Variants in APBB2 observed in about 807,000 individuals in gnomAD.
APBB2 encodes the protein Fe65-like 1.
APBB2 carries 38 observed loss-of-function variants against 82.5 expected under a neutral mutation model. The observed-to-expected ratio is 0.46, with a 90% CI of 0.36 to 0.60. APBB2 has a LOEUF of 0.60. Among genes scored for constraint, APBB2 ranks in the 20% least tolerant of loss-of-function variants. The probability of loss-of-function intolerance (pLI) is 0.00; values close to 1 mark genes in which losing one functional copy is unlikely to be tolerated. For missense variants in APBB2, 772 were observed against 972.3 expected, an observed-to-expected ratio of 0.79 and a Z score of 2.74; for synonymous variants, 341 against 368.2, an observed-to-expected ratio of 0.93 and a Z score of 0.85.
intron 7 of APBB2, among the ~76,000 whole-genome samples, chr4:40,938,857 C>T (rs1420611078): frequency 6.6e-6 from 1 of 152,198 alleles, no homozygotes; most frequent in Non-Finnish European, 1.5e-5. Flanking sequence ...CTACAAAACT[C>T]GCATCGAAAT....
intron 1 of APBB2, among the ~76,000 whole-genome samples, chr4:41,189,883 G>A (rs180947417): frequency 2.2e-4 from 33 of 152,230 alleles, no homozygotes; most frequent in Admixed American, 4.6e-4. Context: ...ACAGGCCTGG[G>A]GCCCATTCTC....
At chr4:41,095,944 C>A (rs1370167175) in intron 3 of APBB2, among the ~76,000 whole-genome samples, 1 of 152,218 alleles carries the variant, frequency 6.6e-6, no homozygotes, top group Non-Finnish European at 1.5e-5. Context: ...CCTTTTCGAT[C>A]TCAGGGTCCA....
chr4:41,125,079 G>A (rs561597934), intron 2 of APBB2, among the ~76,000 whole-genome samples: 18 of 152,266 alleles, frequency 1.2e-4, no homozygotes, highest in Middle Eastern at 3.4e-3. Flanking sequence ...GTGGGCCCTG[G>A]AATGAGAACT....
intron 3 of APBB2, among the ~76,000 whole-genome samples, chr4:41,091,139 T>C (rs1560727262): frequency 2.0e-5 from 3 of 152,196 alleles, no homozygotes; most frequent in Non-Finnish European, 4.4e-5. Context: ...CTTGCTTTGG[T>C]ATTTTATTTC....
chr4:41,078,670 G>A (rs1341578441), intron 3 of APBB2, among the ~76,000 whole-genome samples: 4 of 152,140 alleles, frequency 2.6e-5, no homozygotes, highest in South Asian at 2.1e-4. Flanking sequence ...ACAACTGGCC[G>A]TCTTAGTTAA....
chr4:41,042,756 CCCTGCAGCTGACTGTAG>C (rs148448028), intron 4 of APBB2, among the ~76,000 whole-genome samples: 30,501 of 152,106 alleles, frequency 0.2, 3,461 homozygotes, highest in Non-Finnish European at 0.26. Context: ...TGTCTACTAC[CCCTGCAGCTGACTGTAG>C]CCACATGAGT....
intron 1 of APBB2, among the ~76,000 whole-genome samples, chr4:41,186,733 C>T (rs1319901097): frequency 6.6e-6 from 1 of 152,136 alleles, no homozygotes; most frequent in East Asian, 1.9e-4. Context: ...GTAAAAAATG[C>T]ATTTAATACA....
In APBB2 at chr4:40,811,436, C is replaced by T. The variant is rs1253555452; in HGVS notation, c.*4656G>A. 1 of 151,818 alleles carries T rather than the reference C, an allele frequency of 6.6e-6. No homozygotes were observed. Among genetic ancestry groups the T allele is most frequent in the African/African-American group, 2.4e-5 (1 of 41,276 alleles). 9.4% of individuals were successfully genotyped at this position (151,818 alleles called of 1,614,324 possible). On this transcript the variant is annotated 3_prime_UTR_variant, in exon 18 of 18. Coordinates refer to ENST00000508593, the MANE Select transcript of APBB2 (RefSeq NM_004307.2). ...AGGCGTGGCGGTGCATGCCTGTAAT[C>T]CCAGCTACTCAGGAGGCTGAGGCGA...
At chr4:41,163,007 A>G (rs1765581839) in intron 1 of APBB2, among the ~76,000 whole-genome samples, 1 of 152,232 alleles carries the variant, frequency 6.6e-6, no homozygotes, top group Admixed American at 6.5e-5. Context: ...GATAAGCTCT[A>G]TAATGTTAAT....
intron 6 of APBB2, among the ~76,000 whole-genome samples, chr4:41,004,706 G>A (rs536629834): frequency 2.0e-5 from 3 of 151,566 alleles, no homozygotes; most frequent in Admixed American, 6.6e-5. Context: ...GCGTGGTGGC[G>A]GGTGTCTGTA....
At chr4:40,868,269 T>C (rs1359567266) in intron 12 of APBB2, among the ~76,000 whole-genome samples, 10 of 152,212 alleles carry the variant, frequency 6.6e-5, no homozygotes, top group Non-Finnish European at 1.5e-4. Context: ...CCACTGAGGC[T>C]GGGGCAAAGC....
chr4:41,027,528 T>C (rs1473450665), intron 5 of APBB2, among the ~76,000 whole-genome samples: 1 of 151,962 alleles, frequency 6.6e-6, no homozygotes, highest in Non-Finnish European at 1.5e-5. Flanking sequence ...GTCTTTTTTA[T>C]TATAGCCATC....
intron 6 of APBB2, among the ~76,000 whole-genome samples, chr4:40,972,922 C>G (rs919920790): frequency 1.3e-5 from 2 of 152,174 alleles, no homozygotes; most frequent in African/African-American, 4.8e-5. Context: ...ATTCCACAGC[C>G]TTGAATCTTA....
At chr4:40,857,116 G>T (rs1339140783) in intron 12 of APBB2, 32 of 985,334 alleles carry the variant, frequency 3.2e-5, no homozygotes, top group Non-Finnish European at 3.9e-5. Context: ...CAGCGGTGCC[G>T]TCGCTCAAGC....
rs902461269 is a variant in APBB2, at chr4:40,825,918, G to A, written c.1785C>T (p.Tyr595=). 1 of 1,614,002 alleles carries A rather than the reference G, an allele frequency of 6.2e-7. No individual in the cohort carries two copies. The highest frequency in any genetic ancestry group is 1.3e-5 in the African/African-American group (1 of 74,932). ...TELVQKFHVQ[Y]LGMLPVDKPV... is the part of the protein sequence containing the mutation. ...GTTTGTCTACAGGTAACATGCCCAAGTACTGCACGTGGAACTTCTGGACCA... is the reference window on the plus strand; with the variant it reads ...GTTTGTCTACAGGTAACATGCCCAAATACTGCACGTGGAACTTCTGGACCA... The change falls in exon 15 of 18, where the codon TAC becomes TAT. Residue 595 remains tyrosine, a synonymous_variant. Transcript: ENST00000508593.
intron 17 of APBB2, among the ~76,000 whole-genome samples, chr4:40,819,618 A>G (rs1008293428): frequency 1.3e-5 from 2 of 152,166 alleles, no homozygotes; most frequent in African/African-American, 4.8e-5. Context: ...TCTTAAAAAA[A>G]ATAAAATAAA....
At chr4:40,864,256 A>AAAAACAGAAC (rs1553945187) in intron 12 of APBB2, among the ~76,000 whole-genome samples, 2 of 149,894 alleles carry the variant, frequency 1.3e-5, no homozygotes, top group Non-Finnish European at 3.0e-5. Context: ...CCGTCTCAAT[A>AAAAACAGAAC]AAAACAAAAC....
chr4:40,941,393 A>G (rs1786873340), intron 7 of APBB2, among the ~76,000 whole-genome samples: 1 of 152,208 alleles, frequency 6.6e-6, no homozygotes, highest in Admixed American at 6.5e-5. Flanking sequence ...TATGTGACAT[A>G]GCCTCCCTTA....
At chr4:40,884,541 C>T (rs1025285752) in intron 12 of APBB2, among the ~76,000 whole-genome samples, 1 of 152,120 alleles carries the variant, frequency 6.6e-6, no homozygotes, top group Non-Finnish European at 1.5e-5. Flanking sequence ...CTTTGGGAGG[C>T]CGAAGTGGGA....
Sources: allele counts gnomAD v4.1 joint callset (sites outside exome capture counted in the v4.1 genomes callset), GRCh38; gene constraint gnomAD v4.1.1; transcripts MANE v1.5; gene names NCBI Gene and HGNC (gene_info 2026-07-23, HGNC 2026-07-21).